The following XPOT variants were observed in gnomAD, a reference collection of about 807,000 sequenced individuals.
XPOT encodes the protein exportin-T.
Under a neutral mutation model 128.2 loss-of-function variants are expected in XPOT, and 34 were observed. The observed-to-expected ratio is 0.27, with a 90% CI of 0.20 to 0.35. The LOEUF (loss-of-function observed/expected upper bound fraction) is 0.35, where lower values mean the gene tolerates loss of function less well. Ranked by LOEUF, XPOT falls within the 10% of genes least tolerant of loss-of-function variation. The pLI is 1.00. For missense variants in XPOT, 838 were observed against 1,125.3 expected, an observed-to-expected ratio of 0.74 and a Z score of 3.65; for synonymous variants, 348 against 394.3, an observed-to-expected ratio of 0.88 and a Z score of 1.39.
At chr12:64,439,123 G>A (rs551972124) in intron 22 of XPOT, 121 bp from the exon 23 acceptor site, 12 of 854,336 alleles carry the variant, frequency 1.4e-5, no homozygotes, top group East Asian at 1.4e-4. Context: ...TCTGGCTCTC[G>A]GGTCTGTGTT....
Sources: allele counts gnomAD v4.1 joint callset, GRCh38; gene constraint gnomAD v4.1.1; transcripts MANE v1.5; gene names NCBI Gene and HGNC (gene_info 2026-07-23, HGNC 2026-07-21).